CUX1: variants seen among roughly 807,000 people sequenced by gnomAD.
The protein encoded by CUX1 is cut like homeobox 1.
In CUX1, 31 loss-of-function variants were observed where a neutral mutation model predicts 158.8. The observed-to-expected ratio is 0.20, with a 90% confidence interval of 0.15 to 0.26. The LOEUF (loss-of-function observed/expected upper bound fraction) is 0.26. Among genes scored for constraint, CUX1 ranks in the 10% least tolerant of loss-of-function variants. The pLI is 1.00. For synonymous variants in CUX1, 879 were observed against 862.1 expected (o/e 1.02, Z -0.34); for missense variants, 1,589 against 2,014.6 (o/e 0.79, Z 4.04).
At chr7:101,907,330 G>T (rs1802868452) in intron 1 of CUX1, among the ~76,000 whole-genome samples, 1 of 151,890 alleles carries the variant, frequency 6.6e-6, no homozygotes, top group Admixed American at 6.6e-5. Flanking sequence ...GAAGAAATGA[G>T]ATTTTATTTA....
chr7:101,904,847 G>A (rs1802578497), intron 1 of CUX1, among the ~76,000 whole-genome samples: 1 of 152,204 alleles, frequency 6.6e-6, no homozygotes, highest in African/African-American at 2.4e-5. Flanking sequence ...GGGATTACAG[G>A]CGTGAGCCAC....
chr7:101,890,682 G>A (rs1005519429), intron 1 of CUX1, among the ~76,000 whole-genome samples: 6 of 152,072 alleles, frequency 3.9e-5, no homozygotes, highest in Non-Finnish European at 7.4e-5. Flanking sequence ...TTCTGCTTGC[G>A]TATTTCTACT....
Position 102,270,370 on chromosome 7 carries a change from C to T in CUX1, c.1256-2996C>T, listed in dbSNP as rs148954391. On this transcript the variant is annotated intron_variant, in intron 14 of 22. Coordinates refer to the CUX1 transcript ENST00000292538. ...CGCACAGCCAGTCTCCTGGCCTTCG[C>T]TTCCTCCCAGCGTGGAGTGACAGTT... 6.0e-3 allele frequency among the ~76,000 whole-genome samples: 914 copies of T among 152,342 alleles called. 11 individuals are homozygous for T. Among genetic ancestry groups the T allele is most frequent in the African/African-American group, 0.021 (874 of 41,580 alleles).
chr7:101,816,975 C>A (rs1791893137), upstream of CUX1: 2 of 983,868 alleles, frequency 2.0e-6, no homozygotes, highest in Non-Finnish European at 2.4e-6. Context: ...GCGCACCTCG[C>A]GGCCGCCGCG....
At chr7:102,137,270 C>T (rs1281373589) in intron 8 of CUX1, among the ~76,000 whole-genome samples, 2 of 152,232 alleles carry the variant, frequency 1.3e-5, no homozygotes, top group African/African-American at 4.8e-5. Context: ...AGCCCCGCAA[C>T]TGTGTTAGAT....
chr7:102,282,589 C>T (rs781949908), intron 21 of CUX1: 15 of 962,678 alleles, frequency 1.6e-5, no homozygotes, highest in Non-Finnish European at 2.4e-5. Flanking sequence ...GTCTAAGACC[C>T]ACCCGCCCCG....
chr7:102,128,863 A>T (rs1179257796), intron 8 of CUX1, among the ~76,000 whole-genome samples: 6 of 151,944 alleles, frequency 3.9e-5, no homozygotes, highest in Admixed American at 3.9e-4. Context: ...CTGTAATTCT[A>T]GCTACTCGGG....
intron 1 of CUX1, among the ~76,000 whole-genome samples, chr7:101,897,477 A>T (rs1801639719): frequency 6.7e-6 from 1 of 150,066 alleles, no homozygotes; most frequent in Non-Finnish European, 1.5e-5. Context: ...CTCCAGCCTG[A>T]GTGAAGGGCG....
At chr7:101,883,019 A>G (rs1400500649) in intron 1 of CUX1, among the ~76,000 whole-genome samples, 1 of 152,016 alleles carries the variant, frequency 6.6e-6, no homozygotes, top group African/African-American at 2.4e-5. Context: ...TGATTTATGT[A>G]TAGCCCTGAG....
At chr7:101,834,044 C>G (rs1474973104) in intron 1 of CUX1, among the ~76,000 whole-genome samples, 1 of 151,944 alleles carries the variant, frequency 6.6e-6, no homozygotes, top group Admixed American at 6.6e-5. Context: ...TCTGTTGTCA[C>G]GATTCTTCCA....
chr7:102,250,017 A>G lies in CUX1; in HGVS notation c.*975A>G. ...TTTTGCAGACCAGGGTTTGTTTAAT[A>G]CACTCCATTCTAGGCCAAATCAGGA... On this transcript the variant is annotated 3_prime_UTR_variant, in exon 24 of 24. Transcript: ENST00000292535. The G allele has an allele frequency of 2.0e-6, 2 of 985,300 alleles. No homozygotes were observed. The highest frequency in any genetic ancestry group is 2.4e-6 in the Non-Finnish European group (2 of 829,832). 61.0% of individuals were successfully genotyped at this position (985,300 alleles called of 1,614,324 possible).
intron 10 of CUX1, among the ~76,000 whole-genome samples, chr7:102,177,043 T>C (rs1353430712): frequency 6.6e-6 from 1 of 152,064 alleles, no homozygotes; most frequent in African/African-American, 2.4e-5. Flanking sequence ...CAGGTTTTTT[T>C]CACATCAATT....
intron 2 of CUX1, among the ~76,000 whole-genome samples, chr7:101,966,736 T>C (rs1811264469): frequency 6.6e-6 from 1 of 152,148 alleles, no homozygotes; most frequent in African/African-American, 2.4e-5. Flanking sequence ...TGTGTGCTTC[T>C]TGAGGGTCGT....
intron 2 of CUX1, among the ~76,000 whole-genome samples, chr7:101,964,076 G>T (rs1170710889): frequency 2.6e-5 from 4 of 152,170 alleles, no homozygotes; most frequent in Non-Finnish European, 2.9e-5. Context: ...GCGGTACCGG[G>T]CACAGTGGCT....
Position 102,196,623 on chromosome 7 carries a change from C to T in CUX1, c.1223-11C>T, listed in dbSNP as rs1794824274. 1 of 1,519,874 alleles carries T rather than the reference C, an allele frequency of 6.6e-7. No homozygotes were observed. 94.1% of individuals were successfully genotyped at this position (1,519,874 alleles called of 1,614,324 possible). On this transcript the variant is annotated splice_polypyrimidine_tract_variant and intron_variant, in intron 14 of 23. Coordinates refer to ENST00000292535, the MANE Select transcript of CUX1 (RefSeq NM_181552.4). ...TCCCCCATAATGCATTCTGTTTGCC[C>T]TTCCTTGTAGGGTCAGCCAGGAGGA...
At chr7:101,904,894 G>A (rs1336214071) in intron 1 of CUX1, among the ~76,000 whole-genome samples, 1 of 152,130 alleles carries the variant, frequency 6.6e-6, no homozygotes, top group Non-Finnish European at 1.5e-5. Context: ...AAGGAACATG[G>A]GCACGTAATC....
At chr7:101,877,235 C>A (rs1224302046) in intron 1 of CUX1, among the ~76,000 whole-genome samples, 1 of 152,164 alleles carries the variant, frequency 6.6e-6, no homozygotes, top group Non-Finnish European at 1.5e-5. Flanking sequence ...GAAAAGTCTC[C>A]TATCTGCCTA....
At chr7:101,928,142 T>G (rs532985769) in intron 2 of CUX1, among the ~76,000 whole-genome samples, 10 of 152,278 alleles carry the variant, frequency 6.6e-5, no homozygotes, top group Admixed American at 6.5e-4. Flanking sequence ...TGCCCTGGAA[T>G]TTTAGTCAAA....
Position 102,165,667 on chromosome 7 carries a change from A to G in CUX1, c.724-4779A>G, listed in dbSNP as rs1423216638. On this transcript the variant is annotated intron_variant, in intron 9 of 23. Transcript: ENST00000292535. Reference sequence around the variant, plus strand: ...GGCGTGAGCCACAGCACCCAGCAAAAGCATTTACTTACCATCCTTCCTGGG... The same window carrying G: ...GGCGTGAGCCACAGCACCCAGCAAAGGCATTTACTTACCATCCTTCCTGGG... 1.1e-3 allele frequency among the ~76,000 whole-genome samples: 161 copies of G among 152,236 alleles called. 3 individuals carry two copies. The highest frequency in any genetic ancestry group is 0.011 in the Admixed American group (161 of 15,286).
Sources: allele counts gnomAD v4.1 joint callset (sites outside exome capture counted in the v4.1 genomes callset), GRCh38; gene constraint gnomAD v4.1.1; transcripts MANE v1.5; gene names NCBI Gene and HGNC (gene_info 2026-07-23, HGNC 2026-07-21).